MLC1: variants seen among roughly 807,000 people sequenced by gnomAD.
MLC1 encodes membrane protein MLC1.
In MLC1, 32 loss-of-function variants were observed where a neutral mutation model predicts 44.7. The ratio of observed to expected loss-of-function variants is 0.72; its 90% CI spans 0.54 to 0.96. The LOEUF (loss-of-function observed/expected upper bound fraction) is 0.96. MLC1 is among the 40% of genes least tolerant of loss of function. The pLI is 0.00. For missense variants in MLC1, 459 were observed against 492.2 expected (o/e 0.93, Z 0.64); for synonymous variants, 190 against 213.0 (o/e 0.89, Z 0.94).
At position 50,074,275 on chromosome 22, in the gene MLC1, C is replaced by T. The variant is rs772145062; in HGVS notation, c.655G>A (p.Val219Met). ...TGTGGGCCTGAAACTGAGTCATCCACGTTCAGGGCAATGATCCCCCCGAGG... is the reference window on the plus strand; with the variant it reads ...TGTGGGCCTGAAACTGAGTCATCCATGTTCAGGGCAATGATCCCCCCGAGG... ...AVLGGIIALN[V>M]DDSVSGPHLS... Residue 219 changes from valine (V) to methionine (M), a missense_variant, in exon 8 of 12, where the codon GTG becomes ATG. Transcript: ENST00000311597. 6 of 1,614,108 alleles carry T rather than the reference C, an allele frequency of 3.7e-6. No individual in the cohort carries two copies. Among genetic ancestry groups the T allele is most frequent in the East Asian group, 2.2e-5 (1 of 44,888 alleles).
intron 7 of MLC1, among the ~76,000 whole-genome samples, chr22:50,075,439 C>T (rs896300766): frequency 1.3e-5 from 2 of 152,130 alleles, no homozygotes; most frequent in African/African-American, 2.4e-5. Context: ...CAGCCAGGCA[C>T]GGCGGCTCAT....
At chr22:50,071,563 G>A (rs2061852460) in intron 8 of MLC1, among the ~76,000 whole-genome samples, 1 of 152,176 alleles carries the variant, frequency 6.6e-6, no homozygotes, top group African/African-American at 2.4e-5. Flanking sequence ...CTGCAGTCGG[G>A]CCTCCGTGTG....
Position 50,082,946 on chromosome 22 carries a change from T to C in MLC1, c.267+138A>G, listed in dbSNP as rs1035271143. The C allele has an allele frequency of 3.9e-5, 34 of 877,360 alleles. 1 individual carries two copies. The South Asian group carries it at 4.7e-4, about 12-fold the overall frequency. 54.3% of individuals were successfully genotyped at this position (877,360 alleles called of 1,614,324 possible). A position where few individuals can be genotyped will look rare whatever the true frequency, so the allele number is the denominator to read the frequency against. On this transcript the variant is annotated intron_variant, in intron 3 of 11. Transcript: ENST00000311597. ...CCTCAAAGTGCTGGCATGACAGCCA[T>C]GAGCCACTGTGCCCGGCCCATATGA...
At chr22:50,067,873 C>A (rs1352522754) in intron 10 of MLC1, among the ~76,000 whole-genome samples, 1 of 151,856 alleles carries the variant, frequency 6.6e-6, no homozygotes, top group African/African-American at 2.4e-5. Flanking sequence ...CATTCCCCAT[C>A]AGCACACGCA....
chr22:50,080,508 G>T, intron 3 of MLC1, 111 bp from the exon 4 acceptor site: 1 of 1,195,358 alleles, frequency 8.4e-7, no homozygotes, highest in Non-Finnish European at 1.2e-6. Context: ...TCACAAAACA[G>T]TGTTGCCAGT....
intron 8 of MLC1, among the ~76,000 whole-genome samples, chr22:50,073,046 C>A (rs2235348): frequency 6.6e-6 from 1 of 151,202 alleles, no homozygotes; most frequent in South Asian, 2.1e-4. Context: ...CCGGCCACAC[C>A]GTTCCCGGGC....
Position 50,068,468 on chromosome 22 carries a change from C to T in MLC1, c.859G>A (p.Val287Met), listed in dbSNP as rs772662642. The change falls in exon 10 of 12, where the codon GTG becomes ATG. Residue 287 changes from valine to methionine, a missense_variant. Val to Met is a conservative substitution (Grantham distance 21, BLOSUM62 1). Coordinates refer to ENST00000311597, the MANE Select transcript of MLC1 (RefSeq NM_015166.4). Reference protein sequence around the residue: ...GYLSFSIMRIVEMFKDYPPAI... With the variant: ...GYLSFSIMRIMEMFKDYPPAI... ...GGCGGGTAATCCTTAAACATCTCCA[C>T]GATTCTCATGATGCTGAATGACAGA... 3.1e-6 allele frequency: 5 copies of T among 1,613,892 alleles called. No individual in the cohort carries two copies. The highest frequency in any genetic ancestry group is 1.1e-5 in the South Asian group (1 of 91,084).
At chr22:50,064,549 G>A (rs960338918) in intron 10 of MLC1, among the ~76,000 whole-genome samples, 5 of 152,162 alleles carry the variant, frequency 3.3e-5, no homozygotes, top group South Asian at 2.1e-4. Context: ...GAGAATGTCC[G>A]CGGGAGGCAG....
chr22:50,069,982 A>T (rs2061809377), intron 9 of MLC1, among the ~76,000 whole-genome samples: 1 of 152,118 alleles, frequency 6.6e-6, no homozygotes, highest in Non-Finnish European at 1.5e-5. Flanking sequence ...TGAGTGGATC[A>T]CCTGAGGTCA....
At chr22:50,064,620 T>G (rs1427722491) in intron 10 of MLC1, among the ~76,000 whole-genome samples, 2 of 148,566 alleles carry the variant, frequency 1.3e-5, no homozygotes, top group Non-Finnish European at 3.0e-5. Flanking sequence ...GCAGCCGTCC[T>G]GGGGGGATGG....
chr22:50,074,112 G>A, intron 8 of MLC1, 104 bp downstream of exon 8: 1 of 935,756 alleles, frequency 1.1e-6, no homozygotes, highest in Admixed American at 2.0e-5. Context: ...CCTCTGTGGT[G>A]ACTCTCTGTC....
At chr22:50,067,251 C>A (rs975109111) in intron 10 of MLC1, among the ~76,000 whole-genome samples, 1 of 152,000 alleles carries the variant, frequency 6.6e-6, no homozygotes, top group Non-Finnish European at 1.5e-5. Flanking sequence ...TGTGGGAGGC[C>A]GAGGACGCTA....
intron 1 of MLC1, 97 bp downstream of exon 1, chr22:50,085,258 G>A (rs2062253072): frequency 1.3e-5 from 15 of 1,177,914 alleles, no homozygotes; most frequent in South Asian, 1.7e-5. Flanking sequence ...AACACATCAC[G>A]CCGGGGACTC....
In MLC1 at chr22:50,064,163, TAGC is replaced by T. The variant is rs761096481; in HGVS notation, c.927_929del (p.Leu310del). On this transcript the variant is annotated inframe_deletion, in exon 11 of 12. Coordinates refer to ENST00000311597, the MANE Select transcript of MLC1 (RefSeq NM_015166.4). Reference sequence around the variant, plus strand: ...TGAGGCCGGCCTGCAGCAGGAGCACTAGCAGCAGCAGCAGCAGCAGCACATCGT... The same window carrying T: ...TGAGGCCGGCCTGCAGCAGGAGCACTAGCAGCAGCAGCAGCAGCACATCGT... 84 of 1,600,600 alleles carry T rather than the reference TAGC, an allele frequency of 5.2e-5. No individual in the cohort carries two copies. Among genetic ancestry groups the T allele is most frequent in the Middle Eastern group, 1.7e-4 (1 of 6,002 alleles).
At position 50,068,425 on chromosome 22, in the gene MLC1, C is replaced by T; in HGVS notation, c.894+8G>A. ...GTCTGGGGGGCTCTGAAATAAAATA[C>T]AACTCACTTTTATGGCTGGCGGGTA... On this transcript the variant is annotated splice_region_variant and intron_variant, in intron 10 of 11. Transcript: ENST00000311597. The T allele has an allele frequency of 1.2e-6, 2 of 1,613,362 alleles. No individual in the cohort carries two copies. The highest frequency in any genetic ancestry group is 1.6e-4 in the Middle Eastern group (1 of 6,062).
chr22:50,071,072 T>C (rs2061839993), intron 8 of MLC1, among the ~76,000 whole-genome samples: 1 of 151,958 alleles, frequency 6.6e-6, no homozygotes, highest in Non-Finnish European at 1.5e-5. Flanking sequence ...CCTCATCATG[T>C]TCTTTCTTTT....
intron 7 of MLC1, among the ~76,000 whole-genome samples, chr22:50,074,983 C>T (rs944423671): frequency 2.0e-5 from 3 of 152,242 alleles, no homozygotes; most frequent in Non-Finnish European, 4.4e-5. Context: ...GCTATACTGC[C>T]ACTGCAAACA....
At chr22:50,081,058 A>AAAGAAAGAAAGAAAGAAAGAAAGG (rs57892256) in intron 3 of MLC1, among the ~76,000 whole-genome samples, 1 of 151,498 alleles carries the variant, frequency 6.6e-6, no homozygotes, top group South Asian at 2.1e-4. Context: ...AGAAAGAAAG[A>AAAGAAAGAAAGAAAGAAAGAAAGG]GGAGGTCTGG....
At position 50,061,054 on chromosome 22, in the gene MLC1, A is replaced by G. The variant is rs2061550887; in HGVS notation, c.*529T>C. On this transcript the variant is annotated 3_prime_UTR_variant, in exon 12 of 12. Transcript: ENST00000311597. ...CCAGCCCTGCTCTCACTGTCCAGGA[A>G]GAGCCGCTGGGCAGCCTGAGCCTGG... is the stretch of plus-strand genomic sequence containing the variant. The G allele has an allele frequency of 5.5e-6, 1 of 181,114 alleles. No individual in the cohort carries two copies. The allele number at this position is 181,114 out of a possible 1,614,324, so 11.2% of individuals were successfully genotyped here.
Sources: gnomAD v4.1 joint callset for allele counts (sites outside exome capture counted in the v4.1 genomes callset) on GRCh38, gnomAD v4.1.1 for gene constraint, MANE v1.5 for transcripts, NCBI Gene and HGNC (gene_info 2026-07-23, HGNC 2026-07-21) for gene names.